Variants in CD36 observed in about 807,000 individuals in gnomAD.
CD36 encodes CD36 molecule (CD36 blood group), also known as platelet glycoprotein 4.
In CD36, 119 loss-of-function variants were observed where a neutral mutation model predicts 55.2. The observed-to-expected ratio is 2.15, with a 90% confidence interval of 1.86 to 2.51. CD36 has a LOEUF of 2.51. Ranked by LOEUF, CD36 falls within the 30% of genes most tolerant of loss-of-function variation. CD36 has a pLI of 0.00. For missense variants in CD36, 819 were observed against 555.5 expected, an observed-to-expected ratio of 1.47 and a Z score of -4.77; for synonymous variants, 186 against 193.6, an observed-to-expected ratio of 0.96 and a Z score of 0.33.
At chr7:80,625,624 A>G (rs1793699761) in intron 1 of CD36, among the ~76,000 whole-genome samples, 1 of 152,188 alleles carries the variant, frequency 6.6e-6, no homozygotes, top group South Asian at 2.1e-4. Context: ...GTGATTAAAT[A>G]TTTCAACAGA....
chr7:80,654,880 GAA>G (rs67640111), intron 3 of CD36, among the ~76,000 whole-genome samples: 94,164 of 142,814 alleles, frequency 0.66, 30,602 homozygotes, highest in East Asian at 0.76. Flanking sequence ...GAGGGTGACG[GAA>G]AAAAAAAAAA....
chr7:80,669,741 C>T (rs1256784589), intron 8 of CD36, among the ~76,000 whole-genome samples: 3 of 152,164 alleles, frequency 2.0e-5, no homozygotes, highest in Admixed American at 2.0e-4. Flanking sequence ...AGGTGATCCA[C>T]CCGCCTTGGC....
At chr7:80,644,005 C>G (rs1432834622) in intron 1 of CD36, among the ~76,000 whole-genome samples, 1 of 152,138 alleles carries the variant, frequency 6.6e-6, no homozygotes, top group Non-Finnish European at 1.5e-5. Flanking sequence ...TCACAACATA[C>G]AGAACACCAG....
At chr7:80,633,286 C>A (rs1223957876) in intron 1 of CD36, 1 of 151,952 alleles carries the variant, frequency 6.6e-6, no homozygotes, top group Non-Finnish European at 1.5e-5. Flanking sequence ...TTTGGCCATG[C>A]CCACATGAGA....
chr7:80,662,363 C>T (rs35463927), intron 5 of CD36: 75 of 201,956 alleles, frequency 3.7e-4, no homozygotes, highest in Non-Finnish European at 7.0e-4. Flanking sequence ...TCCTCCTCAT[C>T]CTCCCCAACC....
chr7:80,672,953 ACTTATCTTTAG>A, intron 12 of CD36, 110 bp downstream of exon 12: 2 of 746,808 alleles, frequency 2.7e-6, no homozygotes, highest in Non-Finnish European at 2.4e-6. Context: ...TCTGATATCA[ACTTATCTTTAG>A]CTTAATGTCA....
chr7:80,607,131 C>A (rs114159503), intron 1 of CD36, among the ~76,000 whole-genome samples: 1 of 152,102 alleles, frequency 6.6e-6, no homozygotes, highest in African/African-American at 2.4e-5. Context: ...TAATATTCCT[C>A]TTGAGTATTA....
intron 9 of CD36, 131 bp from the exon 10 acceptor site, chr7:80,670,846 T>TTTTC: frequency 1.4e-6 from 1 of 717,968 alleles, no homozygotes; most frequent in East Asian, 2.5e-5. Context: ...CAATCACTTT[T>TTTTC]TTTCTAAGAA....
At chr7:80,674,185 A>G (rs1330800464) in intron 14 of CD36, 38 bp downstream of exon 14, 3 of 1,387,600 alleles carry the variant, frequency 2.2e-6, no homozygotes, top group Non-Finnish European at 2.0e-6. Flanking sequence ...CAATAATATT[A>G]GCTTATATAT....
rs140816316 is a variant in CD36, at chr7:80,666,216, T to G, written c.702-227T>G. 814 of 501,402 alleles carry G rather than the reference T, an allele frequency of 1.6e-3. 4 individuals carry two copies. The highest frequency in any genetic ancestry group is 0.015 in the African/African-American group (752 of 51,702). 31.1% of individuals were successfully genotyped at this position (501,402 alleles called of 1,614,324 possible). On this transcript the variant is annotated intron_variant, in intron 7 of 14. Coordinates refer to ENST00000447544, the MANE Select transcript of CD36 (RefSeq NM_001001548.3). ...TTCCAAGATGTTTCTAATTAACACCTGGCAGTTTTTATTTTATGATCTGGC... is the reference window on the plus strand; with the variant it reads ...TTCCAAGATGTTTCTAATTAACACCGGGCAGTTTTTATTTTATGATCTGGC...
intron 3 of CD36, among the ~76,000 whole-genome samples, chr7:80,653,558 G>A (rs187520428): frequency 2.6e-5 from 4 of 152,274 alleles, no homozygotes; most frequent in Non-Finnish European, 1.5e-5. Context: ...TAGTCTGCAT[G>A]CTTAGAGTCA....
At position 80,675,459 on chromosome 7, in the gene CD36, A is replaced by C. The variant is rs369957636; in HGVS notation, c.*1-925A>C. Among the ~76,000 whole-genome samples the C allele has an allele frequency of 3.1e-4, 47 of 151,890 alleles. 1 individual carries two copies. In the South Asian group the frequency reaches 9.5e-3, roughly 31 times the overall value. On this transcript the variant is annotated intron_variant, in intron 14 of 14. Coordinates refer to ENST00000447544, the MANE Select transcript of CD36 (RefSeq NM_001001548.3). ...ATGTGATACATTTTTATGATTGCTT[A>C]ATGATCCTTGGATGTCAGATTCCTT...
intron 1 of CD36, among the ~76,000 whole-genome samples, chr7:80,609,393 C>T (rs925420079): frequency 6.6e-6 from 1 of 152,180 alleles, no homozygotes; most frequent in African/African-American, 2.4e-5. Context: ...GCAGTCCTGG[C>T]ATAAGGAACC....
At chr7:80,664,852 TAAA>T (rs11464530) in intron 7 of CD36, among the ~76,000 whole-genome samples, 1 of 144,168 alleles carries the variant, frequency 6.9e-6, no homozygotes, top group Non-Finnish European at 1.5e-5. Flanking sequence ...AATGAAAAGG[TAAA>T]AAAAAAAAAA....
intron 1 of CD36, among the ~76,000 whole-genome samples, chr7:80,614,950 T>C (rs1194294529): frequency 6.6e-6 from 1 of 152,152 alleles, no homozygotes; most frequent in East Asian, 1.9e-4. Context: ...CTCTTCTGTC[T>C]ACCCCTGCTG....
chr7:80,653,275 T>C (rs1271878487), intron 3 of CD36, among the ~76,000 whole-genome samples: 1 of 152,192 alleles, frequency 6.6e-6, no homozygotes, highest in African/African-American at 2.4e-5. Flanking sequence ...AAACAAAATA[T>C]TTTCTACATT....
rs768801550 is a variant in CD36 at position 80,661,095 on chromosome 7, AG to A, written c.316del (p.Asp106ThrfsTer51). 2 of 1,613,992 alleles carry A rather than the reference AG, an allele frequency of 1.2e-6. No homozygotes were observed. Among genetic ancestry groups the A allele is most frequent in the Non-Finnish European group, 8.5e-7 (1 of 1,179,850 alleles). Reference sequence around the variant, plus strand: ...TTTCTAGCCAAGGAAAATGTAACCCAGGACGCTGAGGACAACACAGTCTCTT... The same window carrying A: ...TTTCTAGCCAAGGAAAATGTAACCCAGACGCTGAGGACAACACAGTCTCTT... ...VRFLAKENVT[Q>X]DAEDNTVSFL... On this transcript the variant is annotated frameshift_variant, in exon 5 of 15. Transcript: ENST00000447544. LOFTEE classifies it high-confidence loss of function.
rs1031498289 is a variant in CD36, at chr7:80,677,639, T to C, written c.*1256T>C. ...CAAGATATTAATATGTAAGATAACA[T>C]TGTAGACATGTTCTTCTGATAATAC... On this transcript the variant is annotated 3_prime_UTR_variant, in exon 15 of 15. Transcript: ENST00000447544. 6.6e-6 allele frequency: 1 copy of C among 152,198 alleles called. No individual in the cohort carries two copies. The highest frequency in any genetic ancestry group is 1.5e-5 in the Non-Finnish European group (1 of 68,030). The allele number at this position is 152,198 out of a possible 1,614,324, so 9.4% of individuals were successfully genotyped here.
chr7:80,630,155 T>C (rs1201760129), intron 1 of CD36, among the ~76,000 whole-genome samples: 2 of 152,006 alleles, frequency 1.3e-5, no homozygotes, highest in Non-Finnish European at 2.9e-5. Flanking sequence ...AGAATAAGGT[T>C]TAGTTTTGGC....
Sources: gnomAD v4.1 joint callset for allele counts (sites outside exome capture counted in the v4.1 genomes callset) on GRCh38, gnomAD v4.1.1 for gene constraint, MANE v1.5 for transcripts, NCBI Gene and HGNC (gene_info 2026-07-23, HGNC 2026-07-21) for gene names.